Variants in STK32C observed in about 807,000 individuals in gnomAD.
STK32C encodes the protein serine/threonine-protein kinase 32C.
In STK32C, 31 loss-of-function variants were observed where a neutral mutation model predicts 56.5. That is an observed-to-expected ratio of 0.55 (90% CI 0.41 to 0.74). The LOEUF is 0.74. STK32C is among the 30% of genes least tolerant of loss of function. The pLI is 0.00. For synonymous variants in STK32C, 309 were observed against 289.4 expected (o/e 1.07, Z -0.69); for missense variants, 544 against 676.9 (o/e 0.80, Z 2.18).
At chr10:132,214,283 A>T (rs61865848) in intron 10 of STK32C, among the ~76,000 whole-genome samples, 1 of 150,784 alleles carries the variant, frequency 6.6e-6, no homozygotes, top group Admixed American at 6.6e-5. Context: ...GGGGGTGGCG[A>T]GGAATTCTAC....
chr10:132,325,563 A>G (rs1325526947), intron 1 of STK32C, among the ~76,000 whole-genome samples: 18 of 151,026 alleles, frequency 1.2e-4, no homozygotes, highest in Non-Finnish European at 2.5e-4. Context: ...AAAAAAAAAA[A>G]AGGGGGAGTT....
intron 10 of STK32C, among the ~76,000 whole-genome samples, chr10:132,210,499 C>T (rs1056963509): frequency 1.1e-4 from 17 of 152,232 alleles, no homozygotes; most frequent in African/African-American, 3.1e-4. Context: ...CCGCCTGCTT[C>T]GGCCTCCCAA....
At chr10:132,298,722 A>G (rs1180878565) in intron 1 of STK32C, among the ~76,000 whole-genome samples, 1 of 151,754 alleles carries the variant, frequency 6.6e-6, no homozygotes, top group East Asian at 1.9e-4. Context: ...CAGTGTGTGG[A>G]GTCACCCAGG....
chr10:132,225,486 G>A, intron 6 of STK32C, 41 bp downstream of exon 6: 1 of 1,611,502 alleles, frequency 6.2e-7, no homozygotes, highest in Non-Finnish European at 8.5e-7. Flanking sequence ...TTCCCACCTG[G>A]AGGAAGCCAG....
chr10:132,227,606 TGGC>T lies in STK32C; in HGVS notation c.470+368_470+370del, dbSNP rs1158400111. 2.1e-5 allele frequency among the ~76,000 whole-genome samples: 3 copies of T among 144,628 alleles called. No homozygotes were observed. The Admixed American group carries it at 2.2e-4, about 11-fold the overall frequency. 94.9% of individuals were successfully genotyped at this position (144,628 alleles called of 152,430 possible). A position where few individuals can be genotyped will look rare whatever the true frequency, so the allele number is the denominator to read the frequency against. On this transcript the variant is annotated intron_variant, in intron 3 of 11. Coordinates refer to ENST00000298630, the MANE Select transcript of STK32C (RefSeq NM_173575.4). Reference sequence around the variant, plus strand: ...GTTGCAGTGGTGATGGTGGTGGTGATGGCGATGATGGTGGTGATGGTGATGGTG... The same window carrying T: ...GTTGCAGTGGTGATGGTGGTGGTGATGATGATGGTGGTGATGGTGATGGTG...
intron 1 of STK32C, among the ~76,000 whole-genome samples, chr10:132,277,850 T>A (rs1757903452): frequency 6.6e-6 from 1 of 151,616 alleles, no homozygotes. Context: ...CGACACACCC[T>A]CCCGACCTCT....
chr10:132,241,621 C>A (rs1239801299), intron 2 of STK32C, among the ~76,000 whole-genome samples: 1 of 152,192 alleles, frequency 6.6e-6, no homozygotes, highest in Non-Finnish European at 1.5e-5. Flanking sequence ...ATTCAGAAGT[C>A]CGTGTGGAAA....
intron 1 of STK32C, among the ~76,000 whole-genome samples, chr10:132,304,289 C>CT (rs1480417693): frequency 6.6e-6 from 1 of 151,336 alleles, no homozygotes; most frequent in African/African-American, 2.5e-5. Context: ...TCAAGAGGGG[C>CT]TTAAAAAAAA....
At chr10:132,260,796 G>C (rs925637081) in intron 1 of STK32C, among the ~76,000 whole-genome samples, 1 of 152,208 alleles carries the variant, frequency 6.6e-6, no homozygotes, top group Non-Finnish European at 1.5e-5. Context: ...GCGAGACAGG[G>C]CCCAGTTAAA....
chr10:132,235,502 A>C (rs1361424981), intron 2 of STK32C, among the ~76,000 whole-genome samples: 1 of 151,072 alleles, frequency 6.6e-6, no homozygotes, highest in Non-Finnish European at 1.5e-5. Flanking sequence ...CTTAAAAAAA[A>C]AAAAAAAAAA....
intron 3 of STK32C, among the ~76,000 whole-genome samples, 174 bp from the exon 4 acceptor site, chr10:132,227,142 G>C (rs1310037331): frequency 6.6e-6 from 1 of 152,250 alleles, no homozygotes; most frequent in Non-Finnish European, 1.5e-5. Flanking sequence ...GCCCAGAGCA[G>C]CTCTGAGCCC....
At chr10:132,297,774 C>G (rs2065798603) in intron 1 of STK32C, among the ~76,000 whole-genome samples, 1 of 152,244 alleles carries the variant, frequency 6.6e-6, no homozygotes. Context: ...GCGAAGCCCC[C>G]GTAGTCAGGG....
intron 1 of STK32C, among the ~76,000 whole-genome samples, chr10:132,325,911 C>T (rs2066490500): frequency 6.6e-6 from 1 of 151,944 alleles, no homozygotes; most frequent in African/African-American, 2.4e-5. Context: ...TTAGTAGAGA[C>T]GGGGTTTCAC....
chr10:132,254,801 C>T (rs376121912), intron 1 of STK32C, among the ~76,000 whole-genome samples: 4 of 152,172 alleles, frequency 2.6e-5, no homozygotes, highest in Non-Finnish European at 5.9e-5. Context: ...GCACCCCACG[C>T]GAAGGCTGTC....
chr10:132,324,132 C>T, exon 2 of STK32C: 1 of 676,336 alleles, frequency 1.5e-6, no homozygotes, highest in Non-Finnish European at 2.7e-6. Flanking sequence ...ATCACAGCAG[C>T]TGGGAAAATG....
intron 1 of STK32C, among the ~76,000 whole-genome samples, chr10:132,283,618 G>C (rs2065283306): frequency 6.6e-6 from 1 of 152,220 alleles, no homozygotes; most frequent in South Asian, 2.1e-4. Context: ...CAGCAGGTCT[G>C]GGCCCGGTTT....
intron 1 of STK32C, among the ~76,000 whole-genome samples, chr10:132,263,922 A>G (rs1456852052): frequency 6.6e-6 from 1 of 152,022 alleles, no homozygotes; most frequent in African/African-American, 2.4e-5. Context: ...TGGCGCAGTG[A>G]CACATGGTCC....
intron 8 of STK32C, among the ~76,000 whole-genome samples, chr10:132,223,512 T>C (rs1041849763): frequency 6.6e-6 from 1 of 152,206 alleles, no homozygotes; most frequent in East Asian, 1.9e-4. Context: ...GACCTGGGCT[T>C]GGGCGTGTGG....
intron 1 of STK32C, among the ~76,000 whole-genome samples, chr10:132,296,544 T>C (rs537674047): frequency 7.4e-4 from 112 of 152,338 alleles, no homozygotes; most frequent in Non-Finnish European, 1.4e-3. Flanking sequence ...AGATTTTGCA[T>C]GTTTTCCAGT....
Sources: gnomAD v4.1 joint callset for allele counts (sites outside exome capture counted in the v4.1 genomes callset) on GRCh38, gnomAD v4.1.1 for gene constraint, MANE v1.5 for transcripts, NCBI Gene and HGNC (gene_info 2026-07-23, HGNC 2026-07-21) for gene names.